Variants in FGD1 observed in about 807,000 individuals in gnomAD.
FGD1 encodes FYVE, RhoGEF and PH domain-containing protein 1.
FGD1 carries 12 observed loss-of-function variants against 65.0 expected under a neutral mutation model. The ratio of observed to expected loss-of-function variants is 0.18; its 90% CI spans 0.12 to 0.30. The LOEUF (loss-of-function observed/expected upper bound fraction) is 0.30, where lower values mean the gene tolerates loss of function less well. Among genes scored for constraint, FGD1 ranks in the 10% least tolerant of loss-of-function variants. The pLI, the probability that FGD1 is intolerant of heterozygous loss-of-function variation, is 1.00. For synonymous variants in FGD1, 333 were observed against 343.9 expected (o/e 0.97, Z 0.35); for missense variants, 542 against 837.6 (o/e 0.65, Z 4.36).
At position 54,470,129 on chromosome X, in the gene FGD1, G is replaced by A; in HGVS notation, c.988C>T (p.Pro330Ser). The A allele has an allele frequency of 8.3e-7, 1 of 1,210,651 alleles. No individual in the cohort carries two copies. The highest frequency in any genetic ancestry group is 1.1e-6 in the Non-Finnish European group (1 of 894,859). Residue 330 changes from proline (P) to serine (S), a missense_variant, in exon 4 of 18, where the codon CCT becomes TCT. By Grantham distance (74) the Pro-to-Ser change is moderately conservative (BLOSUM62 -1). Around this residue, in one of 6 missense-constraint regions of FGD1, gnomAD observed 297 missense variants for 326.8 expected, o/e 0.91. Transcript: ENST00000375135. ...VPVALADPHR[P>S]GSQEVDSDLE... The stretch of plus-strand genomic sequence containing the variant: ...TCACTGTCAACCTCTTGGGAGCCAG[G>A]CCGGTGGGGGTCGGCCAAGGCAACA...
chrX:54,479,043 G>A (rs779987578), intron 1 of FGD1, among the ~76,000 whole-genome samples: 1 of 112,564 alleles, frequency 8.9e-6, no homozygotes, highest in Admixed American at 9.4e-5. Context: ...GTGTCAAGAA[G>A]TGTAGCTGAG....
At chrX:54,487,862 A>G (rs1923315221) in intron 1 of FGD1, among the ~76,000 whole-genome samples, 1 of 110,692 alleles carries the variant, frequency 9.0e-6, no homozygotes, top group Admixed American at 9.7e-5. Flanking sequence ...AGACAGGAGA[A>G]TCACTTGAGC....
intron 8 of FGD1, among the ~76,000 whole-genome samples, chrX:54,464,259 A>G (rs1922710253): frequency 2.0e-5 from 2 of 100,955 alleles, no homozygotes; most frequent in Non-Finnish European, 3.9e-5. Flanking sequence ...TCAGCCTCCC[A>G]AGTAGCTGGG....
At chrX:54,461,339 A>G (rs1397260316) in intron 8 of FGD1, among the ~76,000 whole-genome samples, 1 of 109,773 alleles carries the variant, frequency 9.1e-6, no homozygotes, top group Non-Finnish European at 1.9e-5. Context: ...ACGGTGGCTC[A>G]TGCCTGTAAT....
chrX:54,451,778 A>G (rs772412302), intron 12 of FGD1, among the ~76,000 whole-genome samples: 327 of 107,598 alleles, frequency 3.0e-3, no homozygotes, highest in African/African-American at 0.01. Flanking sequence ...AATCCCAGCT[A>G]CTTGTGAGGC....
At chrX:54,466,048 C>T (rs183578689) in intron 6 of FGD1, among the ~76,000 whole-genome samples, 196 bp from the exon 7 acceptor site, 3,035 of 112,094 alleles carry the variant, frequency 0.027, 43 homozygotes, top group Middle Eastern at 0.047. Flanking sequence ...CTTCAGACCA[C>T]AGCCTGGGAT....
chrX:54,465,076 C>T (rs1922730791), intron 8 of FGD1, among the ~76,000 whole-genome samples: 1 of 107,281 alleles, frequency 9.3e-6, no homozygotes, highest in African/African-American at 3.4e-5. Context: ...GCCTTGGGGT[C>T]TCGATCTAGG....
chrX:54,492,605 G>A (rs934464252), intron 1 of FGD1, among the ~76,000 whole-genome samples: 14 of 112,503 alleles, frequency 1.2e-4, no homozygotes, highest in African/African-American at 3.9e-4. Flanking sequence ...AACCCATGCT[G>A]CAGTGAATCA....
intron 16 of FGD1, among the ~76,000 whole-genome samples, chrX:54,448,341 C>T (rs1275356056): frequency 1.8e-5 from 2 of 110,961 alleles, no homozygotes; most frequent in African/African-American, 6.6e-5. Flanking sequence ...CGTGCGCCAC[C>T]ATGCCTGGCT....
At chrX:54,455,298 G>A (rs1202977086) in intron 12 of FGD1, 150 bp downstream of exon 12, 1 of 528,480 alleles carries the variant, frequency 1.9e-6, no homozygotes, top group Admixed American at 2.7e-5. Flanking sequence ...AACCCTTAGG[G>A]ATCACCCCCA....
chrX:54,478,665 G>A (rs1480144425), intron 1 of FGD1, among the ~76,000 whole-genome samples: 2 of 110,847 alleles, frequency 1.8e-5, no homozygotes, highest in Non-Finnish European at 3.8e-5. Context: ...TTGGTTTGGG[G>A]GAGCCTATGG....
At chrX:54,454,109 C>T (rs766961046) in intron 12 of FGD1, among the ~76,000 whole-genome samples, 3 of 111,319 alleles carry the variant, frequency 2.7e-5, no homozygotes, top group Non-Finnish European at 3.8e-5. Context: ...TACAGTCACG[C>T]GTCACTTAAC....
Position 54,495,592 on chromosome X carries a change from C to T in FGD1, c.-160G>A. On this transcript the variant is annotated 5_prime_UTR_variant, in exon 1 of 18. Coordinates refer to ENST00000375135, the MANE Select transcript of FGD1 (RefSeq NM_004463.3). ...CACTGCAGAGACTCAAGCCCCCAGC[C>T]CGGGCCCGGGCCAGCAGCCGTGGCA... is the stretch of plus-strand genomic sequence containing the variant. 3.7e-6 allele frequency: 1 copy of T among 271,441 alleles called. No homozygotes were observed. The allele number at this position is 271,441 out of a possible 1,213,427, so 22.4% of individuals were successfully genotyped here.
At chrX:54,480,035 A>G (rs888834336) in intron 1 of FGD1, among the ~76,000 whole-genome samples, 1 of 112,506 alleles carries the variant, frequency 8.9e-6, no homozygotes, top group Non-Finnish European at 1.9e-5. Flanking sequence ...TTCTCAACAT[A>G]AGGACTCTGC....
intron 1 of FGD1, among the ~76,000 whole-genome samples, chrX:54,478,423 CTA>C (rs1923068788): frequency 9.1e-6 from 1 of 109,583 alleles, no homozygotes; most frequent in South Asian, 4.0e-4. Flanking sequence ...ATTTATAAAA[CTA>C]TGATACTTGA....
chrX:54,491,030 G>T (rs1158135216), intron 1 of FGD1, among the ~76,000 whole-genome samples: 1 of 110,929 alleles, frequency 9.0e-6, no homozygotes, highest in Non-Finnish European at 1.9e-5. Flanking sequence ...CCCCGTCTGA[G>T]CATGTCATTC....
chrX:54,491,413 G>A (rs1418597589), intron 1 of FGD1, among the ~76,000 whole-genome samples: 2 of 112,248 alleles, frequency 1.8e-5, no homozygotes, highest in Non-Finnish European at 3.8e-5. Flanking sequence ...TATGAGGGCA[G>A]GAGGTTGACT....
chrX:54,490,037 A>G (rs1287915753), intron 1 of FGD1, among the ~76,000 whole-genome samples: 2 of 112,328 alleles, frequency 1.8e-5, no homozygotes, highest in Non-Finnish European at 3.7e-5. Context: ...TTGCAGAAAC[A>G]TGGATGGAGC....
chrX:54,491,073 C>T (rs776164008), intron 1 of FGD1, among the ~76,000 whole-genome samples: 1 of 111,392 alleles, frequency 9.0e-6, no homozygotes, highest in East Asian at 2.8e-4. Context: ...TTTCTCTTCA[C>T]CCTCAGAAGA....
Sources: allele counts gnomAD v4.1 joint callset (sites outside exome capture counted in the v4.1 genomes callset), GRCh38; gene constraint gnomAD v4.1.1; regional missense constraint gnomAD v4.1.1; transcripts MANE v1.5; gene names NCBI Gene and HGNC (gene_info 2026-07-23, HGNC 2026-07-21).